Variants in ZNF320 observed in about 807,000 individuals in gnomAD.
ZNF320 encodes zinc finger gene 320.
In ZNF320, 2 loss-of-function variants were observed where a neutral mutation model predicts 6.8. The observed-to-expected ratio is 0.29, with a 90% confidence interval of 0.12 to 0.93. The LOEUF is 0.93. ZNF320 is among the 40% of genes least tolerant of loss of function. The pLI, the probability that ZNF320 is intolerant of heterozygous loss-of-function variation, is 0.55. For synonymous variants in ZNF320, 208 were observed against 203.2 expected, an observed-to-expected ratio of 1.02 and a Z score of -0.20; for missense variants, 472 against 611.0, an observed-to-expected ratio of 0.77 and a Z score of 2.40.
chr19:52,860,580 C>T (rs2063481529), downstream of ZNF320, among the ~76,000 whole-genome samples: 1 of 118,232 alleles, frequency 8.5e-6, no homozygotes, highest in African/African-American at 3.5e-5. Flanking sequence ...GCCTGGATGA[C>T]AAGAGTGAAA....
At chr19:52,861,032 A>G (rs183140724) in exon 6 of ZNF320, among the ~76,000 whole-genome samples, 1 of 151,294 alleles carries the variant, frequency 6.6e-6, no homozygotes, top group African/African-American at 2.5e-5. Context: ...AACAAACAAA[A>G]CAAAAACGAA....
chr19:52,865,451 TGTAATACA>T, intron 5 of ZNF320: 1 of 121,854 alleles, frequency 8.2e-6, no homozygotes, highest in South Asian at 2.5e-4. Context: ...TATATATATA[TGTAATACA>T]TATATATATA....
rs746188412 is a variant in ZNF320, at chr19:52,881,959, T to G, written c.167A>C (p.Asn56Thr). The G allele has an allele frequency of 6.2e-7, 1 of 1,606,746 alleles. No individual in the cohort carries two copies. The highest frequency in any genetic ancestry group is 2.2e-5 in the East Asian group (1 of 44,864). ...SLDISSKCMM[N>T]TLSSTGQGNT... ...GCCTTGCCCTGTTGATGACAATGTA[T>G]TCATCATGCATTTGGAAGAGATATC... The change falls in exon 6 of 6, where the codon AAT becomes ACT. Residue 56 changes from asparagine to threonine, a missense_variant. This residue lies in a region of ZNF320 where 462 missense variants were observed against 559.7 expected (regional missense o/e 0.83). Coordinates refer to ENST00000682928, the MANE Select transcript of ZNF320 (RefSeq NM_001351774.2).
At chr19:52,898,632 C>T (rs1375702446), upstream of ZNF320, among the ~76,000 whole-genome samples, 2 of 152,154 alleles carry the variant, frequency 1.3e-5, no homozygotes, top group Admixed American at 1.3e-4. Flanking sequence ...ATCCGAGCTC[C>T]CTGAATGCAC....
At chr19:52,865,337 G>A (rs2063523610) in intron 5 of ZNF320, 2 of 310,062 alleles carry the variant, frequency 6.5e-6, no homozygotes, top group Non-Finnish European at 6.2e-6. Flanking sequence ...ATATATATAT[G>A]GTCTGGAGGG....
rs1465848417 is a variant in ZNF320 at position 52,876,499 on chromosome 19, ATTACT to A, written c.*4092_*4096del. The A allele has an allele frequency of 1.3e-5, 2 of 152,010 alleles. No homozygotes were observed. The highest frequency in any genetic ancestry group is 4.8e-5 in the African/African-American group (2 of 41,364). The allele number at this position is 152,010 out of a possible 1,614,324, so 9.4% of individuals were successfully genotyped here. A position where few individuals can be genotyped will look rare whatever the true frequency, so the allele number is the denominator to read the frequency against. On this transcript the variant is annotated 3_prime_UTR_variant, in exon 6 of 6. Transcript: ENST00000682928. ...GCTTTCATGAGAAGCAGTTTTTTAT[ATTACT>A]TTAATTTTATTTTAGAGATGGAGTC...
In ZNF320 at chr19:52,879,747, A is replaced by C. The variant is rs961040265; in HGVS notation, c.*849T>G. The C allele has an allele frequency of 1.3e-5, 2 of 152,270 alleles. No homozygotes were observed. The highest frequency in any genetic ancestry group is 4.8e-5 in the African/African-American group (2 of 41,466). The allele number at this position is 152,270 out of a possible 1,614,324, so 9.4% of individuals were successfully genotyped here. On this transcript the variant is annotated 3_prime_UTR_variant, in exon 6 of 6. Transcript: ENST00000682928. Reference sequence around the variant, plus strand: ...CTAAAAAACATATGCAGTGGATTTGAAGAATAGAATAACAGCACCAAAAAT... The same window carrying C: ...CTAAAAAACATATGCAGTGGATTTGCAGAATAGAATAACAGCACCAAAAAT...
intron 1 of ZNF320, among the ~76,000 whole-genome samples, chr19:52,894,395 A>C (rs987739024): frequency 7.1e-5 from 10 of 141,776 alleles, no homozygotes; most frequent in Non-Finnish European, 1.3e-4. Flanking sequence ...AAAAAAAAAA[A>C]AACCAAAAAA....
chr19:52,869,306 TG>T (rs1302633653), intron 5 of ZNF320, among the ~76,000 whole-genome samples: 2 of 152,178 alleles, frequency 1.3e-5, no homozygotes, highest in African/African-American at 4.8e-5. Flanking sequence ...TTAAATTAAA[TG>T]GCCTCTGATA....
chr19:52,896,602 T>C (rs1250585128), intron 1 of ZNF320, among the ~76,000 whole-genome samples: 19 of 151,958 alleles, frequency 1.3e-4, no homozygotes, highest in Admixed American at 1.0e-3. Context: ...CCAGCTACTC[T>C]GCAGGCTGAG....
At chr19:52,866,375 G>T (rs904967254) in intron 5 of ZNF320, among the ~76,000 whole-genome samples, 1 of 151,586 alleles carries the variant, frequency 6.6e-6, no homozygotes, top group African/African-American at 2.4e-5. Context: ...CCTCCTGCAG[G>T]AACCCTCCAC....
chr19:52,867,625 T>C (rs1479275585), intron 5 of ZNF320, among the ~76,000 whole-genome samples: 1 of 152,060 alleles, frequency 6.6e-6, no homozygotes. Flanking sequence ...CTTTCTTTAT[T>C]TTTGAGAAAG....
downstream of ZNF320, among the ~76,000 whole-genome samples, chr19:52,859,964 A>G (rs1004802888): frequency 1.7e-4 from 25 of 148,564 alleles, no homozygotes; most frequent in African/African-American, 2.5e-4. Context: ...CCAGGCTGGA[A>G]TGCAGTGGCG....
In ZNF320 at chr19:52,881,303, A is replaced by G. The variant is rs2063911200; in HGVS notation, c.823T>C (p.Cys275Arg). 2 of 1,614,172 alleles carry G rather than the reference A, an allele frequency of 1.2e-6. No individual in the cohort carries two copies. The highest frequency in any genetic ancestry group is 1.7e-6 in the Non-Finnish European group (2 of 1,180,010). The part of the protein sequence containing the change: ...RLHTGEKPYK[C>R]NECGKTFARN... ...GCGAAGGTCTTGCCACACTCATTAC[A>G]TTTGTAAGGTTTCTCTCCAGTATGC... Residue 275 changes from cysteine to arginine, a missense_variant, in exon 6 of 6, where the codon TGT becomes CGT. By Grantham distance (180) the Cys-to-Arg change is radical. Transcript: ENST00000682928.
intron 2 of ZNF320, among the ~76,000 whole-genome samples, 193 bp from the exon 3 acceptor site, chr19:52,891,539 C>T (rs970147228): frequency 1.2e-4 from 18 of 151,838 alleles, no homozygotes; most frequent in Admixed American, 5.9e-4. Flanking sequence ...AGGGTAAGAA[C>T]GGGGAAAATG....
chr19:52,901,713 T>G (rs1212352719), upstream of ZNF320, among the ~76,000 whole-genome samples: 1 of 152,208 alleles, frequency 6.6e-6, no homozygotes, highest in Non-Finnish European at 1.5e-5. Context: ...GCTAATGATG[T>G]CTTTTGTTAT....
intron 5 of ZNF320, chr19:52,865,333 A>T: frequency 3.3e-6 from 1 of 305,350 alleles, no homozygotes; most frequent in Admixed American, 3.7e-5. Context: ...AAATATATAT[A>T]TATGGTCTGG....
In ZNF320 at chr19:52,881,805, A is replaced by T; in HGVS notation, c.321T>A (p.Asn107Lys). 6.2e-7 allele frequency: 1 copy of T among 1,613,782 alleles called. No individual in the cohort carries two copies. Among genetic ancestry groups the T allele is most frequent in the Non-Finnish European group, 8.5e-7 (1 of 1,179,820 alleles). The change falls in exon 6 of 6, where the codon AAT becomes AAA. Residue 107 changes from asparagine (N) to lysine (K), a missense_variant. Physicochemically the swap from Asn to Lys is moderately conservative, Grantham distance 94 (BLOSUM62 0). This residue lies in a region of ZNF320 where 462 missense variants were observed against 559.7 expected (regional missense o/e 0.83). Transcript: ENST00000682928. Reference protein sequence around the residue: ...FVFQWQEDETNDHEAPMTEIK... With the variant: ...FVFQWQEDETKDHEAPMTEIK... ...TTTCTGTCATGGGTGCTTCATGGTC[A>T]TTTGTTTCATCTTCTTGCCACTGAA... is the stretch of plus-strand genomic sequence containing the variant.
rs765052162 is a variant in ZNF320, at chr19:52,882,000, C to G, written c.143-17G>C. On this transcript the variant is annotated splice_polypyrimidine_tract_variant and intron_variant, in intron 5 of 5. Coordinates refer to ENST00000682928, the MANE Select transcript of ZNF320 (RefSeq NM_001351774.2). The stretch of plus-strand genomic sequence containing the variant: ...AAGAGATATCTACAAAATATAAACA[C>G]CAATAGGTTTCCAATTAAGTACAGA... The G allele has an allele frequency of 3.1e-6, 5 of 1,595,126 alleles. No homozygotes were observed. Among genetic ancestry groups the G allele is most frequent in the Non-Finnish European group, 4.3e-6 (5 of 1,172,578 alleles).
Sources: allele counts gnomAD v4.1 joint callset (sites outside exome capture counted in the v4.1 genomes callset), GRCh38; gene constraint gnomAD v4.1.1; regional missense constraint gnomAD v4.1.1; transcripts MANE v1.5; gene names NCBI Gene and HGNC (gene_info 2026-07-23, HGNC 2026-07-21).